CMC2: variants seen among roughly 807,000 people sequenced by gnomAD.
CMC2 encodes the protein C-X9-C motif containing 2.
Under a neutral mutation model 7.5 loss-of-function variants are expected in CMC2, and 5 were observed. The ratio of observed to expected loss-of-function variants is 0.66; its 90% CI spans 0.35 to 1.40. CMC2 has a LOEUF of 1.40. Among genes scored for constraint, CMC2 ranks in the 40% most tolerant of loss-of-function variants. The probability of loss-of-function intolerance (pLI) is 0.04; values close to 1 mark genes in which losing one functional copy is unlikely to be tolerated. For missense variants in CMC2, 115 were observed against 92.3 expected (o/e 1.25, Z -1.01); for synonymous variants, 37 against 31.4 (o/e 1.18, Z -0.60).
chr16:80,982,713 G>T (rs777255783), intron 2 of CMC2: 1 of 151,930 alleles, frequency 6.6e-6, no homozygotes, highest in African/African-American at 2.4e-5. Flanking sequence ...AATTAACTGC[G>T]GTATATACTG....
intron 1 of CMC2, 39 bp downstream of exon 1, chr16:81,006,695 C>T (rs1227317323): frequency 1.0e-6 from 1 of 985,176 alleles, no homozygotes; most frequent in Non-Finnish European, 1.2e-6. Context: ...GGAGGAACAA[C>T]GGAACGCGTT....
At chr16:80,995,459 C>A (rs1968334487) in intron 2 of CMC2, among the ~76,000 whole-genome samples, 1 of 152,038 alleles carries the variant, frequency 6.6e-6, no homozygotes, top group Non-Finnish European at 1.5e-5. Flanking sequence ...AGTTCGAGAC[C>A]AGCCTGCCCA....
intron 3 of CMC2, among the ~76,000 whole-genome samples, chr16:80,981,097 CA>C (rs1567508975): frequency 1.4e-5 from 2 of 147,454 alleles, no homozygotes; most frequent in South Asian, 4.3e-4. Flanking sequence ...AAAAAAAGTT[CA>C]AAAATAACAA....
chr16:80,991,870 G>A (rs150163487), intron 2 of CMC2: 19 of 449,518 alleles, frequency 4.2e-5, no homozygotes, highest in African/African-American at 2.4e-4. Context: ...AAACCTTTTC[G>A]GGTCATCAAA....
rs1912305056 is a variant in CMC2 at position 80,976,142 on chromosome 16, A to G, written c.191T>C (p.Ile64Thr). Residue 64 changes from isoleucine to threonine, a missense_variant, in exon 4 of 4, where the codon ATT becomes ACT. By Grantham distance (89) the Ile-to-Thr change is moderately conservative. Transcript: ENST00000219400. ...ATTAAAAAGTTTCTTTCGCATTGCA[A>G]TGCCATGCTCCCTGCTCTTGGTCCT... ...ENRTKSREHG[I>T]AMRKKLFNPP... 2 of 1,609,978 alleles carry G rather than the reference A, an allele frequency of 1.2e-6. No homozygotes were observed. The highest frequency in any genetic ancestry group is 1.7e-6 in the Non-Finnish European group (2 of 1,176,610).
chr16:80,980,872 G>A (rs1465146033), intron 3 of CMC2: 4 of 698,508 alleles, frequency 5.7e-6, no homozygotes, highest in Non-Finnish European at 1.0e-5. Context: ...AGGTGACAGA[G>A]CAAGAACCTG....
At position 80,970,200 on chromosome 16, in the gene CMC2, C is replaced by G. The variant is rs1303600885; in HGVS notation, c.*5893G>C. The G allele has an allele frequency of 6.6e-6, 1 of 152,136 alleles. No homozygotes were observed. Among genetic ancestry groups the G allele is most frequent in the East Asian group, 1.9e-4 (1 of 5,190 alleles). The allele number at this position is 152,136 out of a possible 1,614,324, so 9.4% of individuals were successfully genotyped here. On this transcript the variant is annotated 3_prime_UTR_variant, in exon 4 of 4. Coordinates refer to ENST00000219400, the MANE Select transcript of CMC2 (RefSeq NM_020188.5). ...GCGGCTACAGTTGCAGGCTCTATAACCCCACCATTTCTGCTCTGATCCATA... is the reference window on the plus strand; with the variant it reads ...GCGGCTACAGTTGCAGGCTCTATAAGCCCACCATTTCTGCTCTGATCCATA...
rs1469497065 is a variant in CMC2, at chr16:80,972,268, T to C, written c.*3825A>G. The C allele has an allele frequency of 6.6e-6, 1 of 152,236 alleles. No homozygotes were observed. Among genetic ancestry groups the C allele is most frequent in the Non-Finnish European group, 1.5e-5 (1 of 68,044 alleles). 9.4% of individuals were successfully genotyped at this position (152,236 alleles called of 1,614,324 possible). A position where few individuals can be genotyped will look rare whatever the true frequency, so the allele number is the denominator to read the frequency against. ...TCTGGTATAGCTGGTTCCCTGAATA[T>C]GATATCATTTAAGGGGCACAAATTT... On this transcript the variant is annotated 3_prime_UTR_variant, in exon 4 of 4. Transcript: ENST00000219400.
In CMC2 at chr16:80,968,214, C is replaced by G. The variant is rs1357818803; in HGVS notation, c.*7879G>C. On this transcript the variant is annotated 3_prime_UTR_variant, in exon 4 of 4. Transcript: ENST00000219400. ...CTCAGTTAGTAGGTCAGGGTGGGGTCTAAAACTCTCCATTTCTTTTTTTTA... is the reference window on the plus strand; with the variant it reads ...CTCAGTTAGTAGGTCAGGGTGGGGTGTAAAACTCTCCATTTCTTTTTTTTA... 3 of 150,560 alleles carry G rather than the reference C, an allele frequency of 2.0e-5. No homozygotes were observed. The highest frequency in any genetic ancestry group is 4.4e-5 in the Non-Finnish European group (3 of 67,900). 9.3% of individuals were successfully genotyped at this position (150,560 alleles called of 1,614,324 possible).
At chr16:80,998,420 T>G (rs908494006) in intron 1 of CMC2, 1 of 152,098 alleles carries the variant, frequency 6.6e-6, no homozygotes, top group African/African-American at 2.4e-5. Flanking sequence ...TCCTGCGCAC[T>G]GTGGGCGGGC....
chr16:80,993,215 A>G (rs987136106), intron 2 of CMC2, among the ~76,000 whole-genome samples: 1 of 152,196 alleles, frequency 6.6e-6, no homozygotes, highest in Non-Finnish European at 1.5e-5. Context: ...TAAAACAACT[A>G]TTTTCAGATA....
intron 2 of CMC2, among the ~76,000 whole-genome samples, chr16:80,989,526 G>A (rs182032243): frequency 4.1e-4 from 62 of 152,280 alleles, no homozygotes; most frequent in Non-Finnish European, 7.8e-4. Context: ...AGATGTTGCA[G>A]GTTCTTCTTG....
intron 2 of CMC2, among the ~76,000 whole-genome samples, chr16:80,992,182 G>C (rs368946314): frequency 5.3e-5 from 8 of 152,120 alleles, no homozygotes; most frequent in Admixed American, 2.0e-4. Flanking sequence ...AAAAAACAAA[G>C]TCTATTTAAA....
rs75823599 is a variant in CMC2, at chr16:80,979,972, C to G, written c.153+1834G>C. ...TCACTCTGTCACCCAGACTGAAGCA[C>G]TGTGGCGACCTAGATAGCTCACTGC... On this transcript the variant is annotated intron_variant, in intron 3 of 3. Transcript: ENST00000219400. Among the ~76,000 whole-genome samples the G allele has an allele frequency of 1.1e-3, 161 of 151,944 alleles. 1 individual carries two copies. The East Asian group carries it at 0.029, about 28-fold the overall frequency.
At chr16:80,997,511 A>C (rs1968523748) in intron 1 of CMC2, 82 bp from the exon 2 acceptor site, 2 of 710,388 alleles carry the variant, frequency 2.8e-6, no homozygotes, top group Admixed American at 4.7e-5. Context: ...ACCTCTAGTG[A>C]CCTTTATCAG....
chr16:80,983,491 T>G (rs1001774501), intron 2 of CMC2: 5 of 152,194 alleles, frequency 3.3e-5, no homozygotes, highest in African/African-American at 1.2e-4. Context: ...ACCCTTTTCT[T>G]AAGGGAAATG....
At chr16:80,987,190 G>T (rs1282190222) in intron 2 of CMC2, among the ~76,000 whole-genome samples, 1 of 152,130 alleles carries the variant, frequency 6.6e-6, no homozygotes, top group Non-Finnish European at 1.5e-5. Flanking sequence ...AGCTCTGAAA[G>T]GGACGCTAAC....
rs775312252 is a variant in CMC2 at position 80,976,078 on chromosome 16, G to A, written c.*15C>T. 1.1e-5 allele frequency: 16 copies of A among 1,473,892 alleles called. No individual in the cohort carries two copies. Among genetic ancestry groups the A allele is most frequent in the Admixed American group, 1.7e-5 (1 of 59,782 alleles). 91.3% of individuals were successfully genotyped at this position (1,473,892 alleles called of 1,614,324 possible). On this transcript the variant is annotated 3_prime_UTR_variant, in exon 4 of 4. Transcript: ENST00000219400. ...TAGGTCTTCTCTCAGCCAAGGCATC[G>A]AGTGAAAATACAATTTATTTTTCGG...
intron 2 of CMC2, among the ~76,000 whole-genome samples, chr16:80,990,459 C>T (rs1482125525): frequency 2.6e-5 from 4 of 152,080 alleles, no homozygotes; most frequent in African/African-American, 9.7e-5. Flanking sequence ...CATGAGCCAC[C>T]GCCACCGGCC....
Sources: allele counts gnomAD v4.1 joint callset (sites outside exome capture counted in the v4.1 genomes callset), GRCh38; gene constraint gnomAD v4.1.1; transcripts MANE v1.5; gene names NCBI Gene and HGNC (gene_info 2026-07-23, HGNC 2026-07-21).